The following ADGRG6 variants were observed in gnomAD, a reference collection of about 807,000 sequenced individuals.
The protein encoded by ADGRG6 is adhesion G protein-coupled receptor G6, also known as G-protein coupled receptor 126.
Under a neutral mutation model 142.4 loss-of-function variants are expected in ADGRG6, and 84 were observed. The observed-to-expected ratio is 0.59, with a 90% confidence interval of 0.49 to 0.71. ADGRG6 has a LOEUF of 0.71. Among genes scored for constraint, ADGRG6 ranks in the 30% least tolerant of loss-of-function variants. The pLI, the probability that ADGRG6 is intolerant of heterozygous loss-of-function variation, is 0.00. For synonymous variants in ADGRG6, 521 were observed against 520.5 expected, an observed-to-expected ratio of 1.00 and a Z score of -0.01; for missense variants, 1,367 against 1,466.6, an observed-to-expected ratio of 0.93 and a Z score of 1.11.
At chr6:142,369,632 T>G (rs1781133342) in intron 3 of ADGRG6, among the ~76,000 whole-genome samples, 1 of 152,224 alleles carries the variant, frequency 6.6e-6, no homozygotes, top group Non-Finnish European at 1.5e-5. Flanking sequence ...TTTGCATTTG[T>G]TCCTAAAACA....
Position 142,367,631 on chromosome 6 carries a change from T to C in ADGRG6, c.166T>C (p.Cys56Arg). Residue 56 changes from cysteine (C) to arginine (R), a missense_variant, in exon 3 of 25, where the codon TGC (cysteine) becomes CGC (arginine). By Grantham distance (180) the Cys-to-Arg change is radical. Coordinates refer to ENST00000367609, the MANE Select transcript of ADGRG6 (RefSeq NM_198569.3). ...SNPSGTFTSP[C>R]YPNDYPNSQA... ...CCCTTCTGGGACCTTTACTTCTCCA[T>C]GCTACCCTAACGACTACCCAAACAG... is the stretch of plus-strand genomic sequence containing the variant. 1 of 1,613,864 alleles carries C rather than the reference T, an allele frequency of 6.2e-7. No individual in the cohort carries two copies. The highest frequency in any genetic ancestry group is 8.5e-7 in the Non-Finnish European group (1 of 1,179,856).
rs1162818904 is a variant in ADGRG6, at chr6:142,302,141, G to A, written c.-189G>A. ...CGCAGGCCCTGCGCTGAACGCTGCC[G>A]CGCCCAGGGTTCACCTTGCGCCGTC... is the stretch of plus-strand genomic sequence containing the variant. On this transcript the variant is annotated 5_prime_UTR_variant, in exon 1 of 25. Transcript: ENST00000367609. 1.3e-5 allele frequency: 8 copies of A among 604,526 alleles called. No homozygotes were observed. The highest frequency in any genetic ancestry group is 6.6e-5 in the Admixed American group (2 of 30,250). 37.4% of individuals were successfully genotyped at this position (604,526 alleles called of 1,614,324 possible).
At chr6:142,316,431 T>A (rs1320121091) in intron 2 of ADGRG6, among the ~76,000 whole-genome samples, 1 of 152,156 alleles carries the variant, frequency 6.6e-6, no homozygotes, top group African/African-American at 2.4e-5. Flanking sequence ...ATGCTCATAA[T>A]TTTTGCAAAC....
chr6:142,353,272 G>A (rs116507764), intron 2 of ADGRG6, among the ~76,000 whole-genome samples: 1,917 of 151,990 alleles, frequency 0.013, 49 homozygotes, highest in African/African-American at 0.042. Context: ...TTACTTCTTT[G>A]CATTCTTTAT....
chr6:142,346,255 C>T (rs577616709), intron 2 of ADGRG6, among the ~76,000 whole-genome samples: 1 of 152,218 alleles, frequency 6.6e-6, no homozygotes, highest in African/African-American at 2.4e-5. Flanking sequence ...AACTAATTTA[C>T]ACTCCCACCA....
chr6:142,404,207 A>G, intron 14 of ADGRG6: 1 of 482,324 alleles, frequency 2.1e-6, no homozygotes, highest in South Asian at 2.4e-5. Context: ...AAGAGGGGTT[A>G]CTGGAGCTAA....
At chr6:142,330,503 C>T (rs1327007962) in intron 2 of ADGRG6, among the ~76,000 whole-genome samples, 1 of 152,164 alleles carries the variant, frequency 6.6e-6, no homozygotes, top group Non-Finnish European at 1.5e-5. Flanking sequence ...AAGGAAAGGG[C>T]TTCCCCTAAC....
chr6:142,337,543 G>A (rs779612654), intron 2 of ADGRG6, among the ~76,000 whole-genome samples: 29 of 152,026 alleles, frequency 1.9e-4, no homozygotes, highest in African/African-American at 2.9e-4. Context: ...CTTTACTCTC[G>A]GAGGGACTCA....
At chr6:142,392,208 TA>T (rs1774930155) in intron 7 of ADGRG6, among the ~76,000 whole-genome samples, 1 of 151,962 alleles carries the variant, frequency 6.6e-6, no homozygotes, top group East Asian at 1.9e-4. Context: ...AAACAAGGCC[TA>T]AATCACTATT....
intron 1 of ADGRG6, among the ~76,000 whole-genome samples, chr6:142,304,597 G>T (rs184637632): frequency 1.8e-3 from 271 of 152,278 alleles, no homozygotes; most frequent in Non-Finnish European, 3.1e-3. Flanking sequence ...AAGAGAATTA[G>T]TTTACATATT....
chr6:142,446,076 G>A lies in ADGRG6; in HGVS notation c.*2561G>A, dbSNP rs1424836392. On this transcript the variant is annotated 3_prime_UTR_variant, in exon 25 of 25. Coordinates refer to ENST00000367609, the MANE Select transcript of ADGRG6 (RefSeq NM_198569.3). The stretch of plus-strand genomic sequence containing the variant: ...TAATTAACTTTCTATTAGAGAGACT[G>A]TATATATTTTTTCTAAATACTTTGT... The A allele has an allele frequency of 6.6e-6, 1 of 152,512 alleles. No individual in the cohort carries two copies. Among genetic ancestry groups the A allele is most frequent in the Non-Finnish European group, 1.5e-5 (1 of 68,004 alleles). The allele number at this position is 152,512 out of a possible 1,614,324, so 9.4% of individuals were successfully genotyped here.
chr6:142,324,284 C>T (rs1778656519), intron 2 of ADGRG6, among the ~76,000 whole-genome samples: 1 of 152,040 alleles, frequency 6.6e-6, no homozygotes, highest in South Asian at 2.1e-4. Flanking sequence ...ACTTAAAGCT[C>T]TTAGGAGAGC....
intron 2 of ADGRG6, among the ~76,000 whole-genome samples, chr6:142,318,234 A>G (rs376379437): frequency 4.5e-5 from 2 of 44,170 alleles, no homozygotes; most frequent in South Asian, 5.0e-4. Context: ...TATTTATATT[A>G]TATATATTTA....
chr6:142,353,371 A>G (rs949159067), intron 2 of ADGRG6, among the ~76,000 whole-genome samples: 1 of 152,240 alleles, frequency 6.6e-6, no homozygotes, highest in Non-Finnish European at 1.5e-5. Flanking sequence ...GATGCCAATC[A>G]TCTTGCAATG....
At chr6:142,439,321 G>T (rs931052357) in intron 24 of ADGRG6, among the ~76,000 whole-genome samples, 4 of 152,148 alleles carry the variant, frequency 2.6e-5, no homozygotes, top group African/African-American at 9.7e-5. Flanking sequence ...ATTCTAAAAG[G>T]ATAATGGAAA....
At position 142,381,954 on chromosome 6, in the gene ADGRG6, C is replaced by T; in HGVS notation, c.1073C>T (p.Ser358Phe). ...LKAESNLSCG[S>F]YLIPLPAAEL... ...TATTCTTTTTGTGTTGATCAAGGTT[C>T]CTACCTGATCCCGCTCCCAGCAGCA... The change falls in exon 5 of 25, where the codon TCC (serine) becomes TTC (phenylalanine). Residue 358 changes from serine to phenylalanine, a missense_variant. Ser to Phe is a radical substitution (Grantham distance 155). This residue lies in a region of ADGRG6 where 737 missense variants were observed against 746.5 expected (regional missense o/e 0.99). Transcript: ENST00000367609. 6.3e-7 allele frequency: 1 copy of T among 1,589,716 alleles called. No individual in the cohort carries two copies.
intron 4 of ADGRG6, among the ~76,000 whole-genome samples, chr6:142,380,602 T>A (rs1005178785): frequency 1.3e-5 from 2 of 152,190 alleles, no homozygotes; most frequent in Non-Finnish European, 2.9e-5. Flanking sequence ...GCCTCCTTGG[T>A]ACTTGTTTTA....
At chr6:142,310,949 T>A (rs1777738558) in intron 2 of ADGRG6, among the ~76,000 whole-genome samples, 1 of 151,560 alleles carries the variant, frequency 6.6e-6, no homozygotes, top group South Asian at 2.1e-4. Flanking sequence ...TTGAAGTCTG[T>A]TTACTTTCAT....
chr6:142,363,235 A>G lies in ADGRG6; in HGVS notation c.104-4334A>G, dbSNP rs537414098. Among the ~76,000 whole-genome samples, 5 of 152,268 alleles carry G rather than the reference A, an allele frequency of 3.3e-5. No homozygotes were observed. In the South Asian group the frequency reaches 1.0e-3, roughly 32 times the overall value. ...TCTCCATTTTGATTTATCTCTTGGG[A>G]TCTAAAATTCTTGTTTTAAAGAGAT... On this transcript the variant is annotated intron_variant, in intron 2 of 24. Coordinates refer to ENST00000367609, the MANE Select transcript of ADGRG6 (RefSeq NM_198569.3).
Sources: allele counts gnomAD v4.1 joint callset (sites outside exome capture counted in the v4.1 genomes callset), GRCh38; gene constraint gnomAD v4.1.1; regional missense constraint gnomAD v4.1.1; transcripts MANE v1.5; gene names NCBI Gene and HGNC (gene_info 2026-07-23, HGNC 2026-07-21).